L3MBTL4: variants seen among roughly 807,000 people sequenced by gnomAD.
L3MBTL4 encodes L3MBTL histone methyl-lysine binding protein 4.
A neutral mutation model predicts 84.5 loss-of-function variants in L3MBTL4; 70 were observed. That is an observed-to-expected ratio of 0.83 (90% confidence interval 0.68 to 1.01). L3MBTL4 has a LOEUF of 1.01. Among genes scored for constraint, L3MBTL4 ranks in the 50% least tolerant of loss-of-function variants. The pLI, the probability that L3MBTL4 is intolerant of heterozygous loss-of-function variation, is 0.00. For synonymous variants in L3MBTL4, 274 were observed against 259.8 expected (o/e 1.05, Z -0.52); for missense variants, 715 against 754.8 (o/e 0.95, Z 0.62).
At chr18:6,167,219 T>C (rs774176839) in intron 13 of L3MBTL4, among the ~76,000 whole-genome samples, 7 of 152,158 alleles carry the variant, frequency 4.6e-5, no homozygotes, top group Non-Finnish European at 1.0e-4. Context: ...CAGGACAAGA[T>C]GGATTCACAG....
intron 16 of L3MBTL4, among the ~76,000 whole-genome samples, chr18:6,023,724 T>C (rs73376076): frequency 0.13 from 19,070 of 152,168 alleles, 1,481 homozygotes; most frequent in East Asian, 0.25. Flanking sequence ...ACTGTGTGCC[T>C]GTGTGGGGCT....
rs140021445 is a variant in L3MBTL4, at chr18:6,195,778, C to T, written c.981+17371G>A. Among the ~76,000 whole-genome samples, 48 of 152,294 alleles carry T rather than the reference C, an allele frequency of 3.2e-4. 2 individuals carry two copies. In the East Asian group the frequency reaches 9.1e-3, roughly 29 times the overall value. On this transcript the variant is annotated intron_variant, in intron 12 of 18. Transcript: ENST00000317931. ...AGCTGTCTGTTGCTTATCTGATTGG[C>T]CTTATTGGTTGCCCCATAAAGCTTG...
chr18:6,318,456 C>A (rs1433963135), intron 1 of L3MBTL4, among the ~76,000 whole-genome samples: 1 of 120,876 alleles, frequency 8.3e-6, no homozygotes, highest in African/African-American at 3.2e-5. Flanking sequence ...GAGTTACTAT[C>A]CTTATATCAG....
intron 4 of L3MBTL4, among the ~76,000 whole-genome samples, chr18:6,271,372 T>C (rs1209288958): frequency 6.6e-6 from 1 of 152,248 alleles, no homozygotes; most frequent in Middle Eastern, 3.4e-3. Context: ...TTATAAGTTG[T>C]CAATTTACAA....
intron 4 of L3MBTL4, among the ~76,000 whole-genome samples, chr18:6,278,372 T>C (rs1455529747): frequency 6.6e-6 from 1 of 152,204 alleles, no homozygotes; most frequent in Non-Finnish European, 1.5e-5. Context: ...CTGTATATAT[T>C]ATGTTGGCAG....
intron 16 of L3MBTL4, among the ~76,000 whole-genome samples, chr18:6,079,442 G>C (rs1013757922): frequency 6.6e-6 from 1 of 152,196 alleles, no homozygotes; most frequent in Non-Finnish European, 1.5e-5. Context: ...GTAAATGCAT[G>C]AATAAATAAA....
chr18:6,337,091 A>G (rs1170178503), intron 1 of L3MBTL4, among the ~76,000 whole-genome samples: 2 of 152,270 alleles, frequency 1.3e-5, no homozygotes, highest in East Asian at 1.9e-4. Flanking sequence ...AACATATCCA[A>G]ACTAAACAGA....
At chr18:6,333,117 T>TA (rs71885536) in intron 1 of L3MBTL4, among the ~76,000 whole-genome samples, 160 of 148,392 alleles carry the variant, frequency 1.1e-3, no homozygotes, top group Non-Finnish European at 1.3e-3. Flanking sequence ...AGTTAAAATG[T>TA]AAAAAAAAAA....
chr18:6,291,344 C>T (rs916802030), intron 4 of L3MBTL4, among the ~76,000 whole-genome samples: 4 of 152,086 alleles, frequency 2.6e-5, no homozygotes, highest in East Asian at 1.9e-4. Context: ...TGTCATTGTT[C>T]GCTTTAATTC....
chr18:6,389,514 TA>T lies in L3MBTL4; in HGVS notation c.-91+25286del, dbSNP rs201023828. On this transcript the variant is annotated intron_variant, in intron 1 of 18. Transcript: ENST00000317931. Reference sequence around the variant, plus strand: ...AAAAGATACAGATTGGCAGAATGCTTAAAAAAAAATCACAAACCAAATATCT... The same window carrying T: ...AAAAGATACAGATTGGCAGAATGCTTAAAAAAAATCACAAACCAAATATCT... 5.9e-3 allele frequency among the ~76,000 whole-genome samples: 900 copies of T among 151,648 alleles called. 8 individuals carry two copies. Among genetic ancestry groups the T allele is most frequent in the African/African-American group, 0.02 (840 of 41,388 alleles).
chr18:6,069,086 C>T (rs997708956), intron 16 of L3MBTL4, among the ~76,000 whole-genome samples: 1 of 152,234 alleles, frequency 6.6e-6, no homozygotes, highest in Non-Finnish European at 1.5e-5. Context: ...GCAGTGTACA[C>T]CAGCACCATC....
chr18:6,299,679 T>A (rs1407016381), intron 4 of L3MBTL4, among the ~76,000 whole-genome samples: 2 of 99,378 alleles, frequency 2.0e-5, no homozygotes, highest in Non-Finnish European at 4.3e-5. Context: ...TATAGATATA[T>A]TTTTTTTATA....
intron 16 of L3MBTL4, chr18:6,031,818 T>C: frequency 2.0e-6 from 2 of 985,330 alleles, no homozygotes; most frequent in Non-Finnish European, 2.4e-6. Flanking sequence ...ATGGTTTTTT[T>C]TTTTTTTTAA....
At chr18:6,333,874 A>C (rs992364091) in intron 1 of L3MBTL4, among the ~76,000 whole-genome samples, 1 of 152,226 alleles carries the variant, frequency 6.6e-6, no homozygotes, top group African/African-American at 2.4e-5. Context: ...CACTGAACTC[A>C]TCCTTTCTCT....
At chr18:5,972,218 A>C (rs568523426) in intron 16 of L3MBTL4, among the ~76,000 whole-genome samples, 1 of 152,332 alleles carries the variant, frequency 6.6e-6, no homozygotes, top group African/African-American at 2.4e-5. Flanking sequence ...AATCTGTTAT[A>C]TGTTGAACAC....
At chr18:6,032,153 A>G in intron 16 of L3MBTL4, 1 of 291,310 alleles carries the variant, frequency 3.4e-6, no homozygotes, top group Non-Finnish European at 5.7e-6. Flanking sequence ...AATTTTTTGT[A>G]TTTTTGGTAG....
At position 6,171,899 on chromosome 18, in the gene L3MBTL4, TC is replaced by T; in HGVS notation, c.1024del (p.Glu342ArgfsTer29). 3.2e-6 allele frequency: 5 copies of T among 1,557,266 alleles called. No individual in the cohort carries two copies. Among genetic ancestry groups the T allele is most frequent in the Non-Finnish European group, 4.4e-6 (5 of 1,149,208 alleles). On this transcript the variant is annotated frameshift_variant, in exon 13 of 19. Coordinates refer to ENST00000317931, the MANE Select transcript of L3MBTL4 (RefSeq NM_001330559.2). LOFTEE classifies it high-confidence loss of function. ...CGGGTGGATATCAGGGCTGTCTGCC[TC>T]CACCCAGTAGTCATACTTATGGTCC... ...GWDHKYDYWV[E>X]ADSPDIHPIG... is the part of the protein sequence containing the mutation.
At position 6,023,118 on chromosome 18, in the gene L3MBTL4, C is replaced by G. The variant is rs1419196137; in HGVS notation, c.1445-53556G>C. 6.6e-5 allele frequency among the ~76,000 whole-genome samples: 10 copies of G among 152,320 alleles called. No individual in the cohort carries two copies. The East Asian group carries it at 1.9e-3, about 29-fold the overall frequency. On this transcript the variant is annotated intron_variant, in intron 16 of 18. Transcript: ENST00000317931. ...GAGCTCAATACAGTGAGGTCGCTCC[C>G]TGGGCGCTGTTTCCTGCTCCTTTCC...
At chr18:6,167,522 C>T (rs1039286823) in intron 13 of L3MBTL4, among the ~76,000 whole-genome samples, 1 of 152,136 alleles carries the variant, frequency 6.6e-6, no homozygotes, top group African/African-American at 2.4e-5. Flanking sequence ...GCTGGTTCAA[C>T]ATACGCAAAT....
Sources: allele counts gnomAD v4.1 joint callset (sites outside exome capture counted in the v4.1 genomes callset), GRCh38; gene constraint gnomAD v4.1.1; transcripts MANE v1.5; gene names NCBI Gene and HGNC (gene_info 2026-07-23, HGNC 2026-07-21).